OPCML: variants seen among roughly 807,000 people sequenced by gnomAD.
The protein encoded by OPCML is opioid binding protein/cell adhesion molecule like.
OPCML carries 13 observed loss-of-function variants against 37.8 expected under a neutral mutation model. That is an observed-to-expected ratio of 0.34 (90% CI 0.22 to 0.55). The LOEUF (loss-of-function observed/expected upper bound fraction) is 0.55, where lower values mean the gene tolerates loss of function less well. Among genes scored for constraint, OPCML ranks in the 20% least tolerant of loss-of-function variants. The pLI, the probability that OPCML is intolerant of heterozygous loss-of-function variation, is 0.91. For synonymous variants in OPCML, 176 were observed against 168.8 expected, an observed-to-expected ratio of 1.04 and a Z score of -0.33; for missense variants, 341 against 435.6, an observed-to-expected ratio of 0.78 and a Z score of 1.93.
At chr11:133,375,172 T>A (rs1342618815) in intron 1 of OPCML, among the ~76,000 whole-genome samples, 1 of 152,242 alleles carries the variant, frequency 6.6e-6, no homozygotes, top group Non-Finnish European at 1.5e-5. Context: ...AGTCTTCCTC[T>A]GAATTCTCAT....
intron 1 of OPCML, among the ~76,000 whole-genome samples, chr11:133,061,213 A>C (rs1042255377): frequency 2.0e-5 from 3 of 152,202 alleles, no homozygotes; most frequent in African/African-American, 4.8e-5. Context: ...GACTGCAAGA[A>C]GATAATCCTT....
At chr11:133,018,805 C>T (rs1238801927) in intron 1 of OPCML, among the ~76,000 whole-genome samples, 1 of 152,220 alleles carries the variant, frequency 6.6e-6, no homozygotes, top group Non-Finnish European at 1.5e-5. Context: ...GTGTCGTCCC[C>T]CCAGCAACAT....
At chr11:133,439,785 A>G (rs550454567) in intron 1 of OPCML, among the ~76,000 whole-genome samples, 1 of 152,210 alleles carries the variant, frequency 6.6e-6, no homozygotes, top group East Asian at 1.9e-4. Flanking sequence ...GTCTTATAAT[A>G]AAACCAAACT....
intron 4 of OPCML, among the ~76,000 whole-genome samples, chr11:132,489,950 C>A (rs145376915): frequency 0.014 from 2,161 of 152,166 alleles, 58 homozygotes; most frequent in African/African-American, 0.049. Context: ...GTTTGGTTTT[C>A]TGTTATTGTA....
intron 2 of OPCML, among the ~76,000 whole-genome samples, chr11:132,692,774 T>C (rs1943455321): frequency 6.6e-6 from 1 of 152,216 alleles, no homozygotes; most frequent in Admixed American, 6.5e-5. Flanking sequence ...CCAACATTTA[T>C]GTGCAAAGAT....
At chr11:132,915,468 C>T (rs1944575660) in intron 2 of OPCML, among the ~76,000 whole-genome samples, 1 of 152,180 alleles carries the variant, frequency 6.6e-6, no homozygotes, top group Non-Finnish European at 1.5e-5. Flanking sequence ...TGGGATTGGA[C>T]CATCAGAAGT....
intron 2 of OPCML, among the ~76,000 whole-genome samples, chr11:132,770,397 G>T (rs1038704445): frequency 2.0e-5 from 3 of 152,014 alleles, no homozygotes; most frequent in Non-Finnish European, 4.4e-5. Flanking sequence ...AGGGAGAGAG[G>T]AGGAAAGACA....
chr11:132,470,180 G>T (rs1388926049), intron 4 of OPCML, among the ~76,000 whole-genome samples: 4 of 152,110 alleles, frequency 2.6e-5, no homozygotes, highest in Non-Finnish European at 5.9e-5. Flanking sequence ...AAAAATGGAA[G>T]CATGGAGGGT....
rs149712145 is a variant in OPCML at position 133,254,816 on chromosome 11, G to A, written c.61+277448C>T. On this transcript the variant is annotated intron_variant, in intron 1 of 7. Coordinates refer to ENST00000524381, the MANE Select transcript of OPCML (RefSeq NM_001012393.5). ...TACCCAGAGGGGAACCTGAGAAACA[G>A]TCATCCTTTCACTACTTTGTCAGGT... 3.3e-5 allele frequency among the ~76,000 whole-genome samples: 5 copies of A among 152,272 alleles called. No individual in the cohort carries two copies. The East Asian group carries it at 9.7e-4, about 29-fold the overall frequency.
chr11:133,129,343 GCTC>G (rs773033681), intron 1 of OPCML, among the ~76,000 whole-genome samples: 2 of 152,130 alleles, frequency 1.3e-5, no homozygotes, highest in Non-Finnish European at 2.9e-5. Flanking sequence ...AAGAGTGCTT[GCTC>G]CTAGCCACCA....
At chr11:133,355,889 G>A (rs957002751) in intron 1 of OPCML, among the ~76,000 whole-genome samples, 22 of 152,302 alleles carry the variant, frequency 1.4e-4, no homozygotes, top group Middle Eastern at 3.4e-3. Flanking sequence ...CTGTGCAGAG[G>A]GAACCATGTT....
chr11:133,006,657 G>A, intron 1 of OPCML: 4 of 985,440 alleles, frequency 4.1e-6, no homozygotes, highest in Non-Finnish European at 4.8e-6. Flanking sequence ...AAGGTGGTCA[G>A]TGCCCTTCCC....
At chr11:132,781,878 A>T (rs886580244) in intron 2 of OPCML, among the ~76,000 whole-genome samples, 1 of 149,574 alleles carries the variant, frequency 6.7e-6, no homozygotes, top group African/African-American at 2.5e-5. Flanking sequence ...GTATCCAATG[A>T]CGTCTTCTAT....
intron 1 of OPCML, among the ~76,000 whole-genome samples, chr11:133,186,942 G>T (rs140409177): frequency 6.6e-6 from 1 of 152,114 alleles, no homozygotes; most frequent in African/African-American, 2.4e-5. Flanking sequence ...AGTCTGGTTG[G>T]CGTAGGAGGG....
chr11:132,901,981 C>T (rs970082391), intron 2 of OPCML, among the ~76,000 whole-genome samples: 6 of 152,184 alleles, frequency 3.9e-5, no homozygotes, highest in South Asian at 2.1e-4. Flanking sequence ...CCCCCACCAC[C>T]GGTGTTTGCG....
At chr11:133,412,296 G>A (rs1945667742) in intron 1 of OPCML, among the ~76,000 whole-genome samples, 1 of 152,190 alleles carries the variant, frequency 6.6e-6, no homozygotes, top group African/African-American at 2.4e-5. Flanking sequence ...CCACAGTGAG[G>A]CCAGACTAGG....
intron 1 of OPCML, among the ~76,000 whole-genome samples, chr11:133,074,442 A>G (rs911588121): frequency 2.0e-5 from 3 of 152,224 alleles, no homozygotes; most frequent in African/African-American, 7.2e-5. Flanking sequence ...ATACTCTGGT[A>G]TTAGTTGATT....
intron 1 of OPCML, among the ~76,000 whole-genome samples, chr11:133,023,311 T>C (rs570989261): frequency 1.3e-5 from 2 of 152,368 alleles, no homozygotes; most frequent in South Asian, 4.1e-4. Context: ...GCAGTACAGC[T>C]AGACAACCGC....
At position 132,900,469 on chromosome 11, in the gene OPCML, C is replaced by T. The variant is rs193250033; in HGVS notation, c.146+42457G>A. ...CAAAGGGTCTCCAGGTGCACTCAGGCCCACTGATACGCATTTCTTCCCATT... is the reference window on the plus strand; with the variant it reads ...CAAAGGGTCTCCAGGTGCACTCAGGTCCACTGATACGCATTTCTTCCCATT... On this transcript the variant is annotated intron_variant, in intron 2 of 7. Transcript: ENST00000524381. Among the ~76,000 whole-genome samples, 332 of 152,278 alleles carry T rather than the reference C, an allele frequency of 2.2e-3. 2 individuals are homozygous for T. Among genetic ancestry groups the T allele is most frequent in the South Asian group, 0.013 (62 of 4,826 alleles).
Sources: allele counts gnomAD v4.1 joint callset (sites outside exome capture counted in the v4.1 genomes callset), GRCh38; gene constraint gnomAD v4.1.1; transcripts MANE v1.5; gene names NCBI Gene and HGNC (gene_info 2026-07-23, HGNC 2026-07-21).